ABLIM3: variants seen among roughly 807,000 people sequenced by gnomAD.
The protein encoded by ABLIM3 is actin-binding LIM protein 3.
Under a neutral mutation model 109.5 loss-of-function variants are expected in ABLIM3, and 61 were observed. The ratio of observed to expected loss-of-function variants is 0.56; its 90% CI spans 0.45 to 0.69. ABLIM3 has a LOEUF of 0.69. Among genes scored for constraint, ABLIM3 ranks in the 30% least tolerant of loss-of-function variants. The pLI is 0.00. For synonymous variants in ABLIM3, 300 were observed against 324.8 expected, an observed-to-expected ratio of 0.92 and a Z score of 0.82; for missense variants, 796 against 889.5, an observed-to-expected ratio of 0.89 and a Z score of 1.34.
intron 5 of ABLIM3, among the ~76,000 whole-genome samples, chr5:149,201,483 G>C (rs1414179736): frequency 6.6e-6 from 1 of 152,138 alleles, no homozygotes; most frequent in Non-Finnish European, 1.5e-5. Context: ...GCAGGGCTTA[G>C]CTCCCAGGGG....
Position 149,258,462 on chromosome 5 carries a change from C to G in ABLIM3, c.*58C>G. On this transcript the variant is annotated 3_prime_UTR_variant, in exon 24 of 24. Transcript: ENST00000309868. ...TAAAGATATATGTAAAATCTCTCTA[C>G]TGAAGCTCGGTATAATCCTCTCTTG... is the stretch of plus-strand genomic sequence containing the variant. The G allele has an allele frequency of 6.5e-7, 1 of 1,540,312 alleles. No individual in the cohort carries two copies. Among genetic ancestry groups the G allele is most frequent in the South Asian group, 1.2e-5 (1 of 81,214 alleles).
chr5:149,149,469 A>C lies in ABLIM3; in HGVS notation c.13+7361A>C, dbSNP rs17722477. 0.011 allele frequency among the ~76,000 whole-genome samples: 1,691 copies of C among 152,300 alleles called. 91 individuals are homozygous for C. In the East Asian group the frequency reaches 0.15, roughly 14 times the overall value. ...TGTTCTTCTGGTATTACAGTAGGTG[A>C]TGGATTTTCTACATAGGAAACTCAT... On this transcript the variant is annotated intron_variant, in intron 2 of 23. Coordinates refer to ENST00000309868, the MANE Select transcript of ABLIM3 (RefSeq NM_014945.5).
At chr5:149,241,580 G>A (rs1291584703) in intron 14 of ABLIM3, among the ~76,000 whole-genome samples, 1 of 152,212 alleles carries the variant, frequency 6.6e-6, no homozygotes, top group Non-Finnish European at 1.5e-5. Flanking sequence ...CCAACATGGT[G>A]AAACGCTGTC....
intron 2 of ABLIM3, among the ~76,000 whole-genome samples, chr5:149,150,137 C>T (rs1469082159): frequency 6.6e-6 from 1 of 152,106 alleles, no homozygotes; most frequent in East Asian, 1.9e-4. Context: ...CAGCAGCTTC[C>T]CAGGGCACAG....
chr5:149,206,179 T>G (rs1280799771), intron 5 of ABLIM3, among the ~76,000 whole-genome samples: 1 of 152,216 alleles, frequency 6.6e-6, no homozygotes, highest in Non-Finnish European at 1.5e-5. Context: ...CAGACATTCA[T>G]TGAGCAACAA....
intron 2 of ABLIM3, among the ~76,000 whole-genome samples, chr5:149,179,380 C>T (rs1452910552): frequency 6.6e-6 from 1 of 152,012 alleles, no homozygotes; most frequent in Non-Finnish European, 1.5e-5. Flanking sequence ...TGCTTTTATT[C>T]TCGGAAAGAT....
chr5:149,142,589 CCTT>C (rs1284822651), intron 2 of ABLIM3, among the ~76,000 whole-genome samples: 3 of 152,156 alleles, frequency 2.0e-5, no homozygotes, highest in African/African-American at 4.8e-5. Flanking sequence ...CGCCAAGCCA[CCTT>C]TGGGTCTGGA....
At chr5:149,152,350 C>T (rs998828011) in intron 2 of ABLIM3, among the ~76,000 whole-genome samples, 6 of 152,180 alleles carry the variant, frequency 3.9e-5, no homozygotes, top group African/African-American at 1.4e-4. Context: ...AGCTGCAGCA[C>T]ATCTGTTAAT....
chr5:149,200,687 G>A, intron 5 of ABLIM3: 1 of 495,576 alleles, frequency 2.0e-6, no homozygotes, highest in South Asian at 2.8e-5. Context: ...GTCTCCTCTG[G>A]GACAAGCTGA....
At chr5:149,145,713 T>C (rs781667799) in intron 2 of ABLIM3, among the ~76,000 whole-genome samples, 2 of 152,198 alleles carry the variant, frequency 1.3e-5, no homozygotes, top group African/African-American at 2.4e-5. Context: ...TATCTCATTG[T>C]GGTTTGGATT....
intron 7 of ABLIM3, among the ~76,000 whole-genome samples, chr5:149,214,953 G>T (rs984495487): frequency 1.3e-5 from 2 of 152,128 alleles, no homozygotes; most frequent in Non-Finnish European, 2.9e-5. Context: ...CCTGATTTCA[G>T]TTCGTTAATA....
chr5:149,192,619 C>A (rs1489425737), intron 3 of ABLIM3, among the ~76,000 whole-genome samples: 5 of 138,146 alleles, frequency 3.6e-5, no homozygotes, highest in Admixed American at 2.2e-4. Context: ...AGCGAGACTC[C>A]GTCTCAAAAA....
At chr5:149,239,656 C>A in intron 12 of ABLIM3, 103 bp from the exon 13 acceptor site, 1 of 1,474,802 alleles carries the variant, frequency 6.8e-7, no homozygotes, top group Non-Finnish European at 9.1e-7. Flanking sequence ...ACCTCAAACC[C>A]GAGAATCCCA....
At chr5:149,200,232 C>A (rs1758364340) in intron 4 of ABLIM3, 84 bp from the exon 5 acceptor site, 1 of 1,196,648 alleles carries the variant, frequency 8.4e-7, no homozygotes. Flanking sequence ...TATGTGTTAC[C>A]AAAGTGCTTT....
At chr5:149,184,979 A>T (rs1239758834) in intron 3 of ABLIM3, among the ~76,000 whole-genome samples, 1 of 152,204 alleles carries the variant, frequency 6.6e-6, no homozygotes, top group Admixed American at 6.5e-5. Flanking sequence ...GTATAAGTTG[A>T]ATTGCAAGAA....
intron 5 of ABLIM3, among the ~76,000 whole-genome samples, chr5:149,201,500 G>T (rs10463419): frequency 0.33 from 49,742 of 151,894 alleles, 8,362 homozygotes; most frequent in East Asian, 0.52. Context: ...GGGGCTCCCC[G>T]GGAGTCCATC....
intron 8 of ABLIM3, among the ~76,000 whole-genome samples, chr5:149,224,463 C>T (rs1480592828): frequency 2.6e-5 from 4 of 152,322 alleles, no homozygotes; most frequent in South Asian, 2.1e-4. Flanking sequence ...CCACTTCTCC[C>T]GAGGTGCCCT....
chr5:149,240,861 G>C, intron 14 of ABLIM3, 87 bp downstream of exon 14: 1 of 1,284,288 alleles, frequency 7.8e-7, no homozygotes. Context: ...ATGCCACACA[G>C]GCACCAAGAA....
chr5:149,141,893 T>C (rs1416279108), intron 1 of ABLIM3, 116 bp from the exon 2 acceptor site: 13 of 710,226 alleles, frequency 1.8e-5, no homozygotes, highest in Non-Finnish European at 2.7e-5. Flanking sequence ...CCTGCGCCTA[T>C]TAGTCCACGC....
Sources: gnomAD v4.1 joint callset for allele counts (sites outside exome capture counted in the v4.1 genomes callset) on GRCh38, gnomAD v4.1.1 for gene constraint, MANE v1.5 for transcripts, NCBI Gene and HGNC (gene_info 2026-07-23, HGNC 2026-07-21) for gene names.